Variants in TMPRSS11D observed in about 807,000 individuals in gnomAD.
The protein encoded by TMPRSS11D is transmembrane serine protease 11D.
TMPRSS11D carries 32 observed loss-of-function variants against 44.4 expected under a neutral mutation model. That is an observed-to-expected ratio of 0.72 (90% CI 0.54 to 0.97). The LOEUF (loss-of-function observed/expected upper bound fraction) is 0.97. Ranked by LOEUF, TMPRSS11D falls within the 50% of genes least tolerant of loss-of-function variation. The pLI is 0.00. For synonymous variants in TMPRSS11D, 179 were observed against 177.9 expected, an observed-to-expected ratio of 1.01 and a Z score of -0.05; for missense variants, 446 against 502.6, an observed-to-expected ratio of 0.89 and a Z score of 1.08.
chr4:67,822,521 ATTACT>A (rs1432767401), intron 9 of TMPRSS11D, 23 bp from the exon 10 acceptor site: 1 of 1,613,392 alleles, frequency 6.2e-7, no homozygotes, highest in East Asian at 2.2e-5. Context: ...AGAATGACTG[ATTACT>A]TAAGTGCAAA....
At chr4:67,835,852 G>C (rs1363349670) in intron 5 of TMPRSS11D, among the ~76,000 whole-genome samples, 1 of 152,048 alleles carries the variant, frequency 6.6e-6, no homozygotes, top group Admixed American at 6.6e-5. Flanking sequence ...ATAAAGTAAG[G>C]AGAGCTAGTG....
At chr4:67,827,809 A>G (rs369569409) in intron 7 of TMPRSS11D, among the ~76,000 whole-genome samples, 1 of 152,122 alleles carries the variant, frequency 6.6e-6, no homozygotes, top group African/African-American at 2.4e-5. Flanking sequence ...TAAGTAGCAT[A>G]ACACAAATAT....
Position 67,859,660 on chromosome 4 carries a change from C to G in TMPRSS11D, c.27G>C (p.Ser9=). 1.2e-6 allele frequency: 2 copies of G among 1,612,770 alleles called. No individual in the cohort carries two copies. The highest frequency in any genetic ancestry group is 8.5e-7 in the Non-Finnish European group (1 of 1,179,156). MYRPARVT[S]TSRFLNPYVV... Reference sequence around the variant, plus strand: ...CATATGGATTCAGAAATCTTGAAGTCGAAGTTACACGTGCTGGCCTTACAA... The same window carrying G: ...CATATGGATTCAGAAATCTTGAAGTGGAAGTTACACGTGCTGGCCTTACAA... The change falls in exon 2 of 10, where the codon TCG becomes TCC. Residue 9 remains serine (S), a synonymous_variant. Transcript: ENST00000283916.
chr4:67,883,996 A>G lies in TMPRSS11D; in HGVS notation c.-63T>C, dbSNP rs1364746791. On this transcript the variant is annotated 5_prime_UTR_variant, in exon 1 of 10. Coordinates refer to ENST00000283916, the MANE Select transcript of TMPRSS11D (RefSeq NM_004262.3). ...TCAACTGCTTTGAGATTCCCACTCA[A>G]ATGAATGACTCTCATGTATTACGTG... 4 of 1,467,712 alleles carry G rather than the reference A, an allele frequency of 2.7e-6. No homozygotes were observed. The highest frequency in any genetic ancestry group is 3.8e-6 in the Non-Finnish European group (4 of 1,062,596). 90.9% of individuals were successfully genotyped at this position (1,467,712 alleles called of 1,614,324 possible). A position where few individuals can be genotyped will look rare whatever the true frequency, so the allele number is the denominator to read the frequency against.
intron 4 of TMPRSS11D, among the ~76,000 whole-genome samples, chr4:67,840,804 T>C (rs563962963): frequency 3.3e-5 from 5 of 152,234 alleles, no homozygotes; most frequent in African/African-American, 1.2e-4. Context: ...AACTACTAGG[T>C]ACCCCCAAAA....
intron 1 of TMPRSS11D, among the ~76,000 whole-genome samples, chr4:67,867,584 C>G (rs1310354524): frequency 6.6e-6 from 1 of 152,092 alleles, no homozygotes; most frequent in South Asian, 2.1e-4. Context: ...ATGCATCTTA[C>G]AAAACACTAA....
chr4:67,847,843 T>C (rs1012524601), intron 3 of TMPRSS11D, among the ~76,000 whole-genome samples: 3 of 152,234 alleles, frequency 2.0e-5, no homozygotes, highest in African/African-American at 7.2e-5. Context: ...TGGTCCTCCC[T>C]GGGATGCATA....
chr4:67,851,916 C>A (rs772437317), intron 3 of TMPRSS11D, among the ~76,000 whole-genome samples: 1 of 152,110 alleles, frequency 6.6e-6, no homozygotes, highest in Admixed American at 6.6e-5. Flanking sequence ...CTGGTTTGGC[C>A]CTTGTAGGGG....
At chr4:67,883,263 CAA>C (rs1719365163) in intron 1 of TMPRSS11D, among the ~76,000 whole-genome samples, 1 of 151,800 alleles carries the variant, frequency 6.6e-6, no homozygotes, top group African/African-American at 2.4e-5. Context: ...ATAAACATAC[CAA>C]GTTACATAAT....
chr4:67,865,983 G>C (rs918735847), intron 1 of TMPRSS11D, among the ~76,000 whole-genome samples: 5 of 151,820 alleles, frequency 3.3e-5, no homozygotes, highest in Non-Finnish European at 7.4e-5. Context: ...GAATCTTTCC[G>C]AACTCATTCT....
chr4:67,869,419 A>G (rs1043170513), intron 1 of TMPRSS11D, among the ~76,000 whole-genome samples: 3 of 152,160 alleles, frequency 2.0e-5, no homozygotes, highest in African/African-American at 7.2e-5. Context: ...ATGATTACCT[A>G]TACGCTATAT....
intron 7 of TMPRSS11D, among the ~76,000 whole-genome samples, chr4:67,829,733 G>A (rs1288559650): frequency 6.6e-6 from 1 of 151,960 alleles, no homozygotes; most frequent in Admixed American, 6.6e-5. Context: ...GTTCATGGTA[G>A]GGGAGATCAA....
chr4:67,844,686 G>A (rs1411630818), intron 3 of TMPRSS11D, among the ~76,000 whole-genome samples: 1 of 152,002 alleles, frequency 6.6e-6, no homozygotes. Flanking sequence ...GGCTGGGGCA[G>A]GAGAATCACT....
At chr4:67,863,467 T>C (rs1718845415) in intron 1 of TMPRSS11D, among the ~76,000 whole-genome samples, 1 of 152,084 alleles carries the variant, frequency 6.6e-6, no homozygotes, top group Non-Finnish European at 1.5e-5. Flanking sequence ...AATTAAAACA[T>C]GATCATTTCT....
In TMPRSS11D at chr4:67,874,640, A is replaced by G. The variant is rs555321603; in HGVS notation, c.8+9286T>C. On this transcript the variant is annotated intron_variant, in intron 1 of 9. Coordinates refer to ENST00000283916, the MANE Select transcript of TMPRSS11D (RefSeq NM_004262.3). ...TGATGGAGTAGAATAAATAAGAAAG[A>G]AATATATCATTAAATGCACAGGTTC... Among the ~76,000 whole-genome samples the G allele has an allele frequency of 1.9e-3, 296 of 152,242 alleles. 1 individual carries two copies. Among genetic ancestry groups the G allele is most frequent in the Admixed American group, 2.5e-3 (39 of 15,296 alleles).
chr4:67,868,802 G>C (rs954615723), intron 1 of TMPRSS11D, among the ~76,000 whole-genome samples: 1 of 152,226 alleles, frequency 6.6e-6, no homozygotes, highest in African/African-American at 2.4e-5. Flanking sequence ...CAGTTGGGCT[G>C]CAAGAGGCGG....
intron 1 of TMPRSS11D, among the ~76,000 whole-genome samples, chr4:67,865,034 C>T (rs1170624576): frequency 1.3e-5 from 2 of 151,748 alleles, no homozygotes; most frequent in African/African-American, 4.8e-5. Context: ...TAGACATTTA[C>T]AGAAAATTCT....
Position 67,880,411 on chromosome 4 carries a change from G to A in TMPRSS11D, c.8+3515C>T, listed in dbSNP as rs77447744. On this transcript the variant is annotated intron_variant, in intron 1 of 9. Coordinates refer to ENST00000283916, the MANE Select transcript of TMPRSS11D (RefSeq NM_004262.3). The stretch of plus-strand genomic sequence containing the variant: ...GGAGATGAGAAATGACACAATAGCT[G>A]GACAGGAGATATGGGTCAAGGGAGG... 1.0e-2 allele frequency among the ~76,000 whole-genome samples: 1,515 copies of A among 152,158 alleles called. 26 individuals carry two copies. Among genetic ancestry groups the A allele is most frequent in the African/African-American group, 0.034 (1,426 of 41,534 alleles).
At chr4:67,834,862 A>C (rs914430560) in intron 6 of TMPRSS11D, among the ~76,000 whole-genome samples, 1 of 152,132 alleles carries the variant, frequency 6.6e-6, no homozygotes, top group Non-Finnish European at 1.5e-5. Flanking sequence ...GTAGTCCTCC[A>C]CTACAACTTC....
Sources: gnomAD v4.1 joint callset for allele counts (sites outside exome capture counted in the v4.1 genomes callset) on GRCh38, gnomAD v4.1.1 for gene constraint, MANE v1.5 for transcripts, NCBI Gene and HGNC (gene_info 2026-07-23, HGNC 2026-07-21) for gene names.